Variants in MACROD2 observed in about 807,000 individuals in gnomAD.
The protein encoded by MACROD2 is mono-ADP ribosylhydrolase 2.
In MACROD2, 36 loss-of-function variants were observed where a neutral mutation model predicts 70.4. The ratio of observed to expected loss-of-function variants is 0.51; its 90% CI spans 0.39 to 0.68. The LOEUF (loss-of-function observed/expected upper bound fraction) is 0.68, where lower values mean the gene tolerates loss of function less well. Ranked by LOEUF, MACROD2 falls within the 30% of genes least tolerant of loss-of-function variation. MACROD2 has a pLI of 0.00. For missense variants in MACROD2, 496 were observed against 538.4 expected (o/e 0.92, Z 0.78); for synonymous variants, 172 against 178.8 (o/e 0.96, Z 0.30).
At chr20:14,250,446 T>TA (rs2082003267) in intron 3 of MACROD2, among the ~76,000 whole-genome samples, 1 of 152,170 alleles carries the variant, frequency 6.6e-6, no homozygotes, top group Non-Finnish European at 1.5e-5. Flanking sequence ...AATGAATACT[T>TA]ACCTACTACC....
chr20:15,465,199 A>G (rs2046868893), intron 7 of MACROD2, among the ~76,000 whole-genome samples: 1 of 152,248 alleles, frequency 6.6e-6, no homozygotes, highest in Admixed American at 6.5e-5. Flanking sequence ...AAGTGCCTTT[A>G]TAAGAAGAAT....
At chr20:14,962,866 G>A (rs1329852398) in intron 5 of MACROD2, among the ~76,000 whole-genome samples, 2 of 151,474 alleles carry the variant, frequency 1.3e-5, no homozygotes, top group African/African-American at 2.4e-5. Flanking sequence ...TAAAATTGCT[G>A]TTGTTTGGGG....
intron 6 of MACROD2, among the ~76,000 whole-genome samples, chr20:15,258,306 T>C (rs1247552431): frequency 6.6e-6 from 1 of 152,056 alleles, no homozygotes; most frequent in Admixed American, 6.6e-5. Flanking sequence ...CTGTAATGTG[T>C]GAGGCCTTCA....
intron 5 of MACROD2, among the ~76,000 whole-genome samples, chr20:14,710,992 C>T (rs965730813): frequency 2.0e-5 from 3 of 152,074 alleles, no homozygotes; most frequent in Non-Finnish European, 2.9e-5. Context: ...TTGGCATCTC[C>T]GAAATGGAGA....
intron 8 of MACROD2, among the ~76,000 whole-genome samples, chr20:15,810,295 T>C (rs1300164519): frequency 6.6e-6 from 1 of 151,782 alleles, no homozygotes; most frequent in Non-Finnish European, 1.5e-5. Flanking sequence ...TCCAAGTCTT[T>C]GCTATTGTGA....
chr20:14,170,696 C>T (rs902083003), intron 3 of MACROD2, among the ~76,000 whole-genome samples: 1 of 152,092 alleles, frequency 6.6e-6, no homozygotes, highest in African/African-American at 2.4e-5. Context: ...GTATGAAACC[C>T]ACTTAATCAT....
At chr20:15,711,095 T>G (rs945360180) in intron 8 of MACROD2, among the ~76,000 whole-genome samples, 1 of 152,210 alleles carries the variant, frequency 6.6e-6, no homozygotes, top group Admixed American at 6.5e-5. Flanking sequence ...TGCTCCGGTG[T>G]CCCCGTTTTG....
At chr20:15,633,022 C>T (rs1442023899) in intron 8 of MACROD2, among the ~76,000 whole-genome samples, 2 of 152,028 alleles carry the variant, frequency 1.3e-5, no homozygotes, top group African/African-American at 2.4e-5. Flanking sequence ...TACAGAGGCA[C>T]CTACAACTTT....
chr20:14,681,200 A>G (rs2070928080), intron 4 of MACROD2, among the ~76,000 whole-genome samples: 2 of 152,180 alleles, frequency 1.3e-5, no homozygotes, highest in African/African-American at 4.8e-5. Context: ...TCACTGGGGA[A>G]AACTGTTATG....
At chr20:14,574,847 T>C (rs1329142199) in intron 4 of MACROD2, among the ~76,000 whole-genome samples, 1 of 147,414 alleles carries the variant, frequency 6.8e-6, no homozygotes, top group African/African-American at 2.5e-5. Context: ...CCGTCTCTAC[T>C]AAAAATACAA....
intron 5 of MACROD2, among the ~76,000 whole-genome samples, chr20:15,117,477 A>G (rs1288723780): frequency 1.3e-5 from 2 of 152,182 alleles, no homozygotes; most frequent in Middle Eastern, 3.2e-3. Context: ...TAGAGTAGAT[A>G]AAAATGAAAT....
chr20:14,981,146 C>G (rs748993228), intron 5 of MACROD2, among the ~76,000 whole-genome samples: 3 of 151,740 alleles, frequency 2.0e-5, no homozygotes, highest in Non-Finnish European at 4.4e-5. Flanking sequence ...AACAAGGATC[C>G]CCATCATCGC....
chr20:15,421,204 C>G (rs750970263), intron 6 of MACROD2, among the ~76,000 whole-genome samples: 1 of 152,020 alleles, frequency 6.6e-6, no homozygotes, highest in Non-Finnish European at 1.5e-5. Flanking sequence ...ATAGTGAGAC[C>G]TTGTTTCTAC....
chr20:15,679,493 A>T lies in MACROD2; in HGVS notation c.645+179646A>T, dbSNP rs559179964. On this transcript the variant is annotated intron_variant, in intron 8 of 17. Coordinates refer to ENST00000684519, the MANE Select transcript of MACROD2 (RefSeq NM_001351661.2). ...CAAGGTTCATGCCCTATGCAGTTTT[A>T]TCCCCTTGGGCTGAGCCTGTGACTT... Among the ~76,000 whole-genome samples, 12 of 152,266 alleles carry T rather than the reference A, an allele frequency of 7.9e-5. No homozygotes were observed. The East Asian group carries it at 2.1e-3, about 27-fold the overall frequency.
At chr20:14,663,577 A>T (rs555930291) in intron 4 of MACROD2, among the ~76,000 whole-genome samples, 2 of 151,648 alleles carry the variant, frequency 1.3e-5, no homozygotes, top group South Asian at 4.2e-4. Flanking sequence ...TATATATATA[A>T]AATGATGTGC....
intron 4 of MACROD2, among the ~76,000 whole-genome samples, chr20:14,552,724 A>G (rs1380532251): frequency 6.6e-6 from 1 of 152,272 alleles, no homozygotes; most frequent in Non-Finnish European, 1.5e-5. Flanking sequence ...ACTGTAGGCA[A>G]TTGTAACAAA....
chr20:14,654,181 AT>A (rs1985842208), intron 4 of MACROD2, among the ~76,000 whole-genome samples: 1 of 152,032 alleles, frequency 6.6e-6, no homozygotes, highest in Non-Finnish European at 1.5e-5. Flanking sequence ...AAAGTGCTAT[AT>A]TTTTGTAAAC....
chr20:14,114,414 TA>T (rs1279434307), intron 3 of MACROD2, among the ~76,000 whole-genome samples: 5 of 152,116 alleles, frequency 3.3e-5, no homozygotes, highest in Non-Finnish European at 7.4e-5. Flanking sequence ...ATGTGTCCTG[TA>T]AAAAATGACA....
chr20:14,016,234 G>A (rs1345715595), intron 2 of MACROD2, among the ~76,000 whole-genome samples: 1 of 152,178 alleles, frequency 6.6e-6, no homozygotes, highest in Non-Finnish European at 1.5e-5. Flanking sequence ...CTTTGGAGAA[G>A]TATCTATTCA....
Sources: gnomAD v4.1 joint callset for allele counts (sites outside exome capture counted in the v4.1 genomes callset) on GRCh38, gnomAD v4.1.1 for gene constraint, MANE v1.5 for transcripts, NCBI Gene and HGNC (gene_info 2026-07-23, HGNC 2026-07-21) for gene names.